Variants in ENTPD1 observed in about 807,000 individuals in gnomAD.
ENTPD1 encodes ATP diphosphohydrolase.
In ENTPD1, 33 loss-of-function variants were observed where a neutral mutation model predicts 57.0. The observed-to-expected ratio is 0.58, with a 90% confidence interval of 0.44 to 0.77. The LOEUF (loss-of-function observed/expected upper bound fraction) is 0.77. ENTPD1 is among the 30% of genes least tolerant of loss of function. The probability of loss-of-function intolerance (pLI) is 0.00; values close to 1 mark genes in which losing one functional copy is unlikely to be tolerated. For synonymous variants in ENTPD1, 202 were observed against 218.8 expected, an observed-to-expected ratio of 0.92 and a Z score of 0.68; for missense variants, 501 against 603.4, an observed-to-expected ratio of 0.83 and a Z score of 1.78.
chr10:95,785,726 G>A (rs2098177031), intron 1 of ENTPD1, among the ~76,000 whole-genome samples: 1 of 152,220 alleles, frequency 6.6e-6, no homozygotes, highest in Admixed American at 6.5e-5. Context: ...AATCCCTGGA[G>A]TCAGACAGGC....
At chr10:95,731,701 A>G (rs540938646) in intron 1 of ENTPD1, among the ~76,000 whole-genome samples, 17 of 151,890 alleles carry the variant, frequency 1.1e-4, no homozygotes, top group African/African-American at 2.9e-4. Flanking sequence ...CTATCAAGAC[A>G]GAGCCCCAAA....
chr10:95,813,330 G>C (rs1415991660), intron 1 of ENTPD1, among the ~76,000 whole-genome samples: 2 of 152,196 alleles, frequency 1.3e-5, no homozygotes, highest in Non-Finnish European at 2.9e-5. Context: ...GTGTAATTGA[G>C]CCTTCTGCTT....
In ENTPD1 at chr10:95,860,577, G is replaced by C. The variant is rs1400517603; in HGVS notation, c.1183G>C (p.Glu395Gln). Reference protein sequence around the residue: ...MMKKFCAQPWEEIKTSYAGVK... With the variant: ...MMKKFCAQPWQEIKTSYAGVK... The stretch of plus-strand genomic sequence containing the variant: ...GAAAAAGTTCTGTGCTCAGCCTTGG[G>C]AGGAGGTAAGTGACTAGGCACAGCA... The change falls in exon 8 of 10, where the codon GAG becomes CAG. Residue 395 changes from glutamate (E) to glutamine (Q), a missense_variant. By Grantham distance (29) the Glu-to-Gln change is conservative. Transcript: ENST00000371205. 6.2e-7 allele frequency: 1 copy of C among 1,613,414 alleles called. No individual in the cohort carries two copies. Among genetic ancestry groups the C allele is most frequent in the South Asian group, 1.1e-5 (1 of 91,032 alleles).
intron 2 of ENTPD1, among the ~76,000 whole-genome samples, chr10:95,827,006 C>T (rs2140617560): frequency 6.6e-6 from 1 of 152,206 alleles, no homozygotes. Context: ...CAGATATCTA[C>T]TGCTGTGCTC....
intron 1 of ENTPD1, among the ~76,000 whole-genome samples, chr10:95,818,198 AATTCATTC>A (rs550755554): frequency 6.6e-6 from 1 of 152,186 alleles, no homozygotes; most frequent in African/African-American, 2.4e-5. Flanking sequence ...GAGAATCCAA[AATTCATTC>A]ATTCATTCAT....
At chr10:95,796,416 A>G (rs2098226282) in intron 1 of ENTPD1, among the ~76,000 whole-genome samples, 1 of 152,150 alleles carries the variant, frequency 6.6e-6, no homozygotes, top group Non-Finnish European at 1.5e-5. Context: ...CAATTTCTTC[A>G]TAAGGTAGAG....
At chr10:95,822,585 G>A (rs951061745) in intron 1 of ENTPD1, among the ~76,000 whole-genome samples, 4 of 152,198 alleles carry the variant, frequency 2.6e-5, no homozygotes, top group African/African-American at 4.8e-5. Context: ...GTGAGCTGCC[G>A]TGTCCGGCCA....
At chr10:95,855,623 G>A (rs1258472589) in intron 7 of ENTPD1, among the ~76,000 whole-genome samples, 2 of 152,136 alleles carry the variant, frequency 1.3e-5, no homozygotes, top group East Asian at 3.8e-4. Flanking sequence ...CTCTTTTAGG[G>A]CAGGCCTGGT....
At chr10:95,702,341 T>C in the ENTPD1 span, among the ~76,000 whole-genome samples, 6 of 152,114 alleles carry the variant, frequency 3.9e-5, no homozygotes, top group East Asian at 1.2e-3. Context: ...AACTGAAAAG[T>C]ACAATAATGG....
At position 95,876,213 on chromosome 10, in the gene ENTPD1, A is replaced by G. The variant is rs2098485612; in HGVS notation, c.*9830A>G. 1 of 979,138 alleles carries G rather than the reference A, an allele frequency of 1.0e-6. No individual in the cohort carries two copies. Among genetic ancestry groups the G allele is most frequent in the Non-Finnish European group, 1.2e-6 (1 of 824,320 alleles). The allele number at this position is 979,138 out of a possible 1,614,324, so 60.7% of individuals were successfully genotyped here. ...AGGTATATTTATAAATACTCCTATA[A>G]AAATGTAAAGAAACACATAATGTAG... On this transcript the variant is annotated 3_prime_UTR_variant, in exon 10 of 10. Coordinates refer to ENST00000371205, the MANE Select transcript of ENTPD1 (RefSeq NM_001776.6).
At chr10:95,716,349 G>T (rs2097971493) in intron 1 of ENTPD1, among the ~76,000 whole-genome samples, 1 of 152,172 alleles carries the variant, frequency 6.6e-6, no homozygotes, top group Admixed American at 6.5e-5. Context: ...GTTGCGAACG[G>T]CAGTCCTTTG....
At chr10:95,861,144 C>G (rs982145037) in intron 8 of ENTPD1, among the ~76,000 whole-genome samples, 2 of 152,220 alleles carry the variant, frequency 1.3e-5, no homozygotes, top group Non-Finnish European at 2.9e-5. Context: ...CATTGTGGCC[C>G]ACTCTCCTCC....
At chr10:95,861,036 T>C (rs187449613) in intron 8 of ENTPD1, among the ~76,000 whole-genome samples, 6 of 152,348 alleles carry the variant, frequency 3.9e-5, no homozygotes, top group Non-Finnish European at 5.9e-5. Context: ...CTTCCCCTTA[T>C]ATCTCAATGG....
At chr10:95,731,012 C>G (rs1333696951) in intron 1 of ENTPD1, among the ~76,000 whole-genome samples, 2 of 152,238 alleles carry the variant, frequency 1.3e-5, no homozygotes, top group Admixed American at 6.5e-5. Flanking sequence ...GAATTCAAGT[C>G]TCCTCTTATT....
At chr10:95,716,396 T>C (rs2097971547) in intron 1 of ENTPD1, among the ~76,000 whole-genome samples, 1 of 152,176 alleles carries the variant, frequency 6.6e-6, no homozygotes, top group African/African-American at 2.4e-5. Flanking sequence ...GGTTTGAGTA[T>C]GGTTTGTCGC....
intron 2 of ENTPD1, among the ~76,000 whole-genome samples, chr10:95,828,963 G>A (rs186136250): frequency 1.1e-3 from 165 of 152,166 alleles, no homozygotes; most frequent in African/African-American, 3.9e-3. Flanking sequence ...TGCCCGCCTC[G>A]GCCTCCCAAA....
At chr10:95,778,471 T>A (rs1036528568) in intron 1 of ENTPD1, among the ~76,000 whole-genome samples, 2 of 101,480 alleles carry the variant, frequency 2.0e-5, no homozygotes, top group African/African-American at 7.4e-5. Flanking sequence ...ATTTTTCACA[T>A]ACCTAAAAGA....
At position 95,873,782 on chromosome 10, in the gene ENTPD1, A is replaced by C. The variant is rs2141034521; in HGVS notation, c.*7399A>C. The C allele has an allele frequency of 1.1e-6, 1 of 889,678 alleles. No homozygotes were observed. Among genetic ancestry groups the C allele is most frequent in the Non-Finnish European group, 1.3e-6 (1 of 742,662 alleles). The allele number at this position is 889,678 out of a possible 1,614,324, so 55.1% of individuals were successfully genotyped here. ...AGGGTTTAATTGGACTTACAGTTCC[A>C]CATGGCTGGGGAGGCCTCAAAATCA... is the stretch of plus-strand genomic sequence containing the variant. On this transcript the variant is annotated 3_prime_UTR_variant, in exon 10 of 10. Coordinates refer to ENST00000371205, the MANE Select transcript of ENTPD1 (RefSeq NM_001776.6).
At chr10:95,748,346 C>A (rs1422822368) in intron 1 of ENTPD1, among the ~76,000 whole-genome samples, 1 of 152,158 alleles carries the variant, frequency 6.6e-6, no homozygotes, top group Non-Finnish European at 1.5e-5. Context: ...CCCCATATAA[C>A]CACTGCATAT....
Sources: allele counts gnomAD v4.1 joint callset (sites outside exome capture counted in the v4.1 genomes callset), GRCh38; gene constraint gnomAD v4.1.1; transcripts MANE v1.5; gene names NCBI Gene and HGNC (gene_info 2026-07-23, HGNC 2026-07-21).